EML1: variants seen among roughly 807,000 people sequenced by gnomAD.
The protein encoded by EML1 is echinoderm microtubule-associated protein-like 1.
Under a neutral mutation model 110.4 loss-of-function variants are expected in EML1, and 27 were observed. The observed-to-expected ratio is 0.24, with a 90% CI of 0.18 to 0.34. The LOEUF is 0.34. Ranked by LOEUF, EML1 falls within the 10% of genes least tolerant of loss-of-function variation. The probability of loss-of-function intolerance (pLI) is 1.00; values close to 1 mark genes in which losing one functional copy is unlikely to be tolerated. For missense variants in EML1, 741 were observed against 1,030.9 expected (o/e 0.72, Z 3.85); for synonymous variants, 344 against 385.8 (o/e 0.89, Z 1.27).
intron 1 of EML1, among the ~76,000 whole-genome samples, chr14:99,762,847 C>T (rs1244279330): frequency 1.3e-5 from 2 of 152,164 alleles, no homozygotes; most frequent in Admixed American, 6.5e-5. Flanking sequence ...GAAACTGGAA[C>T]TCACACATGT....
At chr14:99,813,832 G>A (rs1268516086) in intron 1 of EML1, among the ~76,000 whole-genome samples, 1 of 152,136 alleles carries the variant, frequency 6.6e-6, no homozygotes, top group Non-Finnish European at 1.5e-5. Context: ...ATTGAGACTT[G>A]AGTTTAGACA....
intron 1 of EML1, among the ~76,000 whole-genome samples, chr14:99,847,429 T>C (rs1229522494): frequency 6.6e-6 from 1 of 152,176 alleles, no homozygotes; most frequent in Non-Finnish European, 1.5e-5. Flanking sequence ...TAGTTCACTG[T>C]AGACCTGATC....
Position 99,766,307 on chromosome 14 carries a change from G to T in EML1, c.28+28447G>T, listed in dbSNP as rs956519894. On this transcript the variant is annotated intron_variant, in intron 1 of 10. Coordinates refer to the EML1 transcript ENST00000554479. Reference sequence around the variant, plus strand: ...CCTTGTGGGTTCAAGCAATTCTCCTGCCTCAGCCTCCTGAGTAGCTGGGAT... The same window carrying T: ...CCTTGTGGGTTCAAGCAATTCTCCTTCCTCAGCCTCCTGAGTAGCTGGGAT... Among the ~76,000 whole-genome samples the T allele has an allele frequency of 6.0e-5, 9 of 150,090 alleles. No individual in the cohort carries two copies. In the South Asian group the frequency reaches 1.9e-3, roughly 31 times the overall value.
chr14:99,914,828 G>A (rs2060006995), intron 15 of EML1, 131 bp downstream of exon 15: 1 of 1,230,214 alleles, frequency 8.1e-7, no homozygotes, highest in South Asian at 1.5e-5. Context: ...ATTTAGAGTT[G>A]CCTTAACATT....
intron 1 of EML1, among the ~76,000 whole-genome samples, chr14:99,813,221 C>T (rs754944461): frequency 2.6e-5 from 4 of 152,196 alleles, no homozygotes; most frequent in Admixed American, 1.3e-4. Flanking sequence ...GAACAGGGGA[C>T]GGTCTCACGC....
chr14:99,900,845 G>C, intron 8 of EML1, 84 bp from the exon 9 acceptor site: 1 of 1,182,444 alleles, frequency 8.5e-7, no homozygotes, highest in South Asian at 1.3e-5. Context: ...CCGAGTTACT[G>C]CCCAAGTAAT....
chr14:99,933,568 A>G (rs1303555629), intron 17 of EML1, among the ~76,000 whole-genome samples: 1 of 152,168 alleles, frequency 6.6e-6, no homozygotes, highest in African/African-American at 2.4e-5. Flanking sequence ...TCTTTACCCT[A>G]AAGCTGGTCG....
At chr14:99,891,896 T>A (rs1452323228) in intron 5 of EML1, among the ~76,000 whole-genome samples, 1 of 152,244 alleles carries the variant, frequency 6.6e-6, no homozygotes, top group East Asian at 1.9e-4. Context: ...AAGTTGTGTA[T>A]TTATCAGCAT....
At chr14:99,915,140 C>T (rs1406897063) in intron 15 of EML1, 5 of 217,762 alleles carry the variant, frequency 2.3e-5, no homozygotes, top group Non-Finnish European at 3.6e-5. Flanking sequence ...CAGCTGGGCA[C>T]GGTGGCTCAT....
At chr14:99,868,517 T>G (rs1021666811) in intron 3 of EML1, among the ~76,000 whole-genome samples, 1 of 152,210 alleles carries the variant, frequency 6.6e-6, no homozygotes, top group Admixed American at 6.5e-5. Flanking sequence ...TCATATTTTT[T>G]GCTTCTTTAT....
chr14:99,927,876 G>A (rs1595495260), intron 17 of EML1, among the ~76,000 whole-genome samples: 1 of 52,740 alleles, frequency 1.9e-5, no homozygotes. Flanking sequence ...AGTAGTGGTG[G>A]CGGTGGTGGT....
rs746689821 is a variant in EML1 at position 99,917,811 on chromosome 14, T to C, written c.1782T>C (p.Pro594=). The C allele has an allele frequency of 1.2e-6, 2 of 1,614,088 alleles. No individual in the cohort carries two copies. The highest frequency in any genetic ancestry group is 1.7e-6 in the Non-Finnish European group (2 of 1,180,040). Residue 594 remains proline (P), a synonymous_variant, in exon 16 of 22, where the codon CCT becomes CCC. Coordinates refer to ENST00000262233, the MANE Select transcript of EML1 (RefSeq NM_004434.3). ...CAGCTCAGTCTTCTGGTTTTCATCCTTCAGGGTCTGTGGTTGCAGTCGGAA... is the reference window on the plus strand; with the variant it reads ...CAGCTCAGTCTTCTGGTTTTCATCCCTCAGGGTCTGTGGTTGCAGTCGGAA... ...EDPAQSSGFH[P]SGSVVAVGTL...
At chr14:99,843,553 T>G (rs2058664793) in intron 1 of EML1, among the ~76,000 whole-genome samples, 1 of 152,252 alleles carries the variant, frequency 6.6e-6, no homozygotes. Flanking sequence ...TGAAATACTC[T>G]TGTTGCACCT....
chr14:99,847,494 C>T (rs895526136), intron 1 of EML1, among the ~76,000 whole-genome samples: 4 of 152,150 alleles, frequency 2.6e-5, no homozygotes, highest in African/African-American at 9.7e-5. Context: ...GGACTACAGG[C>T]ATATGCCACC....
chr14:99,868,478 T>C (rs1376093176), intron 3 of EML1, among the ~76,000 whole-genome samples: 1 of 152,168 alleles, frequency 6.6e-6, no homozygotes, highest in Admixed American at 6.5e-5. Context: ...TGATTACTGC[T>C]TCAGTCTCCT....
At chr14:99,798,299 A>T (rs1412658048) in intron 1 of EML1, among the ~76,000 whole-genome samples, 1 of 151,944 alleles carries the variant, frequency 6.6e-6, no homozygotes, top group Admixed American at 6.6e-5. Context: ...TTCTTTCTTA[A>T]CTTGATACAA....
chr14:99,751,950 C>T (rs933890100), intron 1 of EML1, among the ~76,000 whole-genome samples: 4 of 152,036 alleles, frequency 2.6e-5, no homozygotes, highest in African/African-American at 9.7e-5. Flanking sequence ...TTTACGGGCA[C>T]GTGGCAGCAG....
Position 99,911,347 on chromosome 14 carries a change from G to A in EML1, c.1340-75G>A, listed in dbSNP as rs1425024784. The A allele has an allele frequency of 5.3e-6, 8 of 1,505,390 alleles. No individual in the cohort carries two copies. The Admixed American group carries it at 1.3e-4, about 24-fold the overall frequency. 93.3% of individuals were successfully genotyped at this position (1,505,390 alleles called of 1,614,324 possible). A position where few individuals can be genotyped will look rare whatever the true frequency, so the allele number is the denominator to read the frequency against. On this transcript the variant is annotated intron_variant, in intron 12 of 21. Coordinates refer to ENST00000262233, the MANE Select transcript of EML1 (RefSeq NM_004434.3). ...GACAATATTGCGTTTTAAAACCTAA[G>A]TCAGATGAGATTAGAAAATGGGCAG...
chr14:99,899,966 TA>T (rs2140015214), intron 8 of EML1, among the ~76,000 whole-genome samples: 1 of 152,272 alleles, frequency 6.6e-6, no homozygotes, highest in African/African-American at 2.4e-5. Context: ...TTGGTTCACC[TA>T]ACGCCTGCCT....
Sources: allele counts gnomAD v4.1 joint callset (sites outside exome capture counted in the v4.1 genomes callset), GRCh38; gene constraint gnomAD v4.1.1; transcripts MANE v1.5; gene names NCBI Gene and HGNC (gene_info 2026-07-23, HGNC 2026-07-21).